Variants in COP1 observed in about 807,000 individuals in gnomAD.
COP1 encodes E3 ubiquitin-protein ligase COP1.
A neutral mutation model predicts 101.3 loss-of-function variants in COP1; 24 were observed. That is an observed-to-expected ratio of 0.24 (90% confidence interval 0.17 to 0.33). COP1 has a LOEUF of 0.33. Among genes scored for constraint, COP1 ranks in the 10% least tolerant of loss-of-function variants. The pLI is 1.00. For missense variants in COP1, 663 were observed against 906.2 expected (o/e 0.73, Z 3.45); for synonymous variants, 347 against 341.9 (o/e 1.01, Z -0.17).
intron 11 of COP1, among the ~76,000 whole-genome samples, chr1:176,060,232 T>C (rs960444164): frequency 3.5e-4 from 54 of 152,328 alleles, no homozygotes; most frequent in African/African-American, 1.2e-3. Context: ...AACAAATAAA[T>C]ACACTACCTG....
chr1:176,051,011 G>T (rs573218632), intron 11 of COP1, among the ~76,000 whole-genome samples: 1 of 152,024 alleles, frequency 6.6e-6, no homozygotes, highest in Non-Finnish European at 1.5e-5. Context: ...TATATATAGT[G>T]ATAATAACAC....
chr1:176,081,068 A>G (rs1455414384), intron 11 of COP1, 84 bp downstream of exon 11: 13 of 1,225,570 alleles, frequency 1.1e-5, no homozygotes, highest in African/African-American at 1.6e-5. Context: ...CACGCTTTTA[A>G]TAATAATGGT....
At chr1:175,977,713 A>T (rs1654910334) in intron 18 of COP1, among the ~76,000 whole-genome samples, 1 of 152,016 alleles carries the variant, frequency 6.6e-6, no homozygotes, top group African/African-American at 2.4e-5. Flanking sequence ...TTAAATTAGT[A>T]AAAAAACCTT....
At chr1:176,175,690 T>C (rs1050031063) in intron 3 of COP1, among the ~76,000 whole-genome samples, 13 of 152,148 alleles carry the variant, frequency 8.5e-5, no homozygotes, top group African/African-American at 3.1e-4. Context: ...ATATACACAA[T>C]AATCTAAAAG....
In COP1 at chr1:176,206,829, G is replaced by A. The variant is rs765873086; in HGVS notation, c.150C>T (p.Gly50=). Residue 50 remains glycine, a synonymous_variant, in exon 1 of 20, where the codon GGC becomes GGT. Coordinates refer to ENST00000367669, the MANE Select transcript of COP1 (RefSeq NM_022457.7). ...CCGAGCCGGCGGCCTGGGCCACCCCGCCGGACACCAGCGCTGCCGCCGAAA... is the reference window on the plus strand; with the variant it reads ...CCGAGCCGGCGGCCTGGGCCACCCCACCGGACACCAGCGCTGCCGCCGAAA... ...VAVSAAALVS[G]GVAQAAGSGG... is the part of the protein sequence containing the mutation. The A allele has an allele frequency of 5.0e-6, 7 of 1,408,898 alleles. No homozygotes were observed. The highest frequency in any genetic ancestry group is 6.4e-6 in the Non-Finnish European group (7 of 1,087,740). The allele number at this position is 1,408,898 out of a possible 1,614,324, so 87.3% of individuals were successfully genotyped here. A position where few individuals can be genotyped will look rare whatever the true frequency, so the allele number is the denominator to read the frequency against.
chr1:175,993,433 A>G, intron 15 of COP1, among the ~76,000 whole-genome samples: 1 of 152,242 alleles, frequency 6.6e-6, no homozygotes, highest in African/African-American at 2.4e-5. Context: ...GTTTCAGATG[A>G]TCAAACTACT....
intron 14 of COP1, among the ~76,000 whole-genome samples, chr1:176,030,148 A>C (rs543466153): frequency 4.2e-4 from 64 of 152,232 alleles, no homozygotes; most frequent in Non-Finnish European, 7.2e-4. Flanking sequence ...AGATGGAGTA[A>C]GATTTTTAAA....
At chr1:176,051,581 TAAA>T (rs954116343) in intron 11 of COP1, among the ~76,000 whole-genome samples, 1 of 151,312 alleles carries the variant, frequency 6.6e-6, no homozygotes, top group Non-Finnish European at 1.5e-5. Flanking sequence ...CTACTTATTT[TAAA>T]AAAAAACAAA....
Position 175,945,043 on chromosome 1 carries a change from C to G in COP1, c.*110G>C. ...AAATATTCAAAACAAATCCAAAACC[C>G]ATGATGACTTTGGGGAGAGACATCA... On this transcript the variant is annotated 3_prime_UTR_variant, in exon 20 of 20. Transcript: ENST00000367669. 1.2e-6 allele frequency: 1 copy of G among 855,222 alleles called. No individual in the cohort carries two copies. The highest frequency in any genetic ancestry group is 1.9e-6 in the Non-Finnish European group (1 of 526,984). The allele number at this position is 855,222 out of a possible 1,614,324, so 53.0% of individuals were successfully genotyped here.
chr1:175,972,461 A>ATTTT (rs35491036), intron 18 of COP1, among the ~76,000 whole-genome samples: 1 of 130,008 alleles, frequency 7.7e-6, no homozygotes, highest in African/African-American at 2.9e-5. Context: ...AAATACAAGA[A>ATTTT]TTTTTTTTTT....
intron 11 of COP1, among the ~76,000 whole-genome samples, chr1:176,058,130 TGGGGTGGG>T (rs1421948101): frequency 1.0e-4 from 1 of 9,886 alleles, no homozygotes; most frequent in Non-Finnish European, 3.8e-4. Flanking sequence ...GGGAGGGAGG[TGGGGTGGG>T]GGGGGGGTCA....
chr1:176,004,496 G>A (rs1276004658), intron 15 of COP1, among the ~76,000 whole-genome samples: 1 of 149,126 alleles, frequency 6.7e-6, no homozygotes, highest in Non-Finnish European at 1.5e-5. Flanking sequence ...GTTTGTCATA[G>A]ATAGTTCTTA....
chr1:176,074,235 C>T (rs1327351380), intron 11 of COP1, among the ~76,000 whole-genome samples: 2 of 152,092 alleles, frequency 1.3e-5, no homozygotes, highest in Non-Finnish European at 2.9e-5. Context: ...CCTCTTTATT[C>T]CTCTTTCTGA....
At chr1:176,146,062 A>G (rs763115743) in intron 6 of COP1, among the ~76,000 whole-genome samples, 1 of 152,228 alleles carries the variant, frequency 6.6e-6, no homozygotes, top group Non-Finnish European at 1.5e-5. Context: ...TAAAATTCCA[A>G]GTAAAACCAA....
intron 11 of COP1, among the ~76,000 whole-genome samples, chr1:176,076,568 G>A (rs769913058): frequency 1.8e-4 from 28 of 151,924 alleles, no homozygotes; most frequent in South Asian, 8.3e-4. Context: ...AGAGGAACTA[G>A]AAGAAAAAGA....
intron 8 of COP1, among the ~76,000 whole-genome samples, chr1:176,119,286 T>G (rs1686711593): frequency 6.6e-6 from 1 of 152,214 alleles, no homozygotes; most frequent in Non-Finnish European, 1.5e-5. Context: ...AATAAAATTG[T>G]GTAGTTGCAT....
chr1:176,063,909 T>C (rs1675434489), intron 11 of COP1, among the ~76,000 whole-genome samples: 1 of 152,166 alleles, frequency 6.6e-6, no homozygotes, highest in African/African-American at 2.4e-5. Context: ...AAGTAAGTAA[T>C]GATAAAACAT....
intron 8 of COP1, among the ~76,000 whole-genome samples, chr1:176,122,283 C>T (rs543248548): frequency 2.9e-4 from 44 of 152,126 alleles, no homozygotes; most frequent in African/African-American, 8.9e-4. Context: ...CATGTTTTAA[C>T]GCTGAAATAT....
chr1:176,158,058 A>G (rs1693733424), intron 5 of COP1, among the ~76,000 whole-genome samples: 1 of 152,134 alleles, frequency 6.6e-6, no homozygotes, highest in Admixed American at 6.5e-5. Context: ...ACAGATCTAA[A>G]AAATTCAAAG....
Sources: gnomAD v4.1 joint callset for allele counts (sites outside exome capture counted in the v4.1 genomes callset) on GRCh38, gnomAD v4.1.1 for gene constraint, MANE v1.5 for transcripts, NCBI Gene and HGNC (gene_info 2026-07-23, HGNC 2026-07-21) for gene names.